Variants in DPP6 observed in about 807,000 individuals in gnomAD.
The protein encoded by DPP6 is dipeptidyl peptidase like 6, also known as A-type potassium channel modulatory protein DPP6.
DPP6 carries 69 observed loss-of-function variants against 122.6 expected under a neutral mutation model. That is an observed-to-expected ratio of 0.56 (90% confidence interval 0.46 to 0.69). DPP6 has a LOEUF of 0.69. DPP6 is among the 30% of genes least tolerant of loss of function. The probability of loss-of-function intolerance (pLI) is 0.00; values close to 1 mark genes in which losing one functional copy is unlikely to be tolerated. For missense variants in DPP6, 928 were observed against 1,116.9 expected (o/e 0.83, Z 2.41); for synonymous variants, 418 against 433.1 (o/e 0.97, Z 0.43).
chr7:154,133,473 C>G (rs1390157399), intron 1 of DPP6, among the ~76,000 whole-genome samples: 2 of 152,188 alleles, frequency 1.3e-5, no homozygotes, highest in East Asian at 3.9e-4. Flanking sequence ...GGCTCAAGAG[C>G]TGGAGAGAGG....
At chr7:154,059,023 C>CG (rs1801256354) in intron 1 of DPP6, 1 of 146,020 alleles carries the variant, frequency 6.8e-6, no homozygotes, top group African/African-American at 2.6e-5. Context: ...GGACCCCCAT[C>CG]GCAGAGGGGG....
chr7:154,304,863 T>C (rs976615677), intron 1 of DPP6, among the ~76,000 whole-genome samples: 13 of 152,316 alleles, frequency 8.5e-5, no homozygotes, highest in Admixed American at 7.2e-4. Flanking sequence ...GGGCCACCTC[T>C]GCCCCCTGTC....
In DPP6 at chr7:154,821,636, A is replaced by ATATG. The variant is rs1799771018; in HGVS notation, c.1666+14527_1666+14528insGTAT. 1.0e-5 allele frequency among the ~76,000 whole-genome samples: 1 copy of ATATG among 98,522 alleles called. No individual in the cohort carries two copies. Among genetic ancestry groups the ATATG allele is most frequent in the Non-Finnish European group, 1.9e-5 (1 of 51,390 alleles). 64.6% of individuals were successfully genotyped at this position (98,522 alleles called of 152,430 possible). ...ATATATATTTTTTTTCTGTATATAT[A>ATATG]TATATATATACACATATATATATAT... On this transcript the variant is annotated intron_variant, in intron 16 of 25. Transcript: ENST00000377770. This position sits in a 1 kb window ranked among gnomAD's most constrained non-coding sequence, Gnocchi z 4.2.
chr7:154,463,458 C>T (rs952930258), intron 2 of DPP6, among the ~76,000 whole-genome samples: 12 of 152,032 alleles, frequency 7.9e-5, no homozygotes, highest in Non-Finnish European at 1.3e-4. Context: ...CCGCCCGTCT[C>T]GGCCTCCCAA....
chr7:154,450,770 T>C (rs1586309490), intron 2 of DPP6, among the ~76,000 whole-genome samples: 1 of 152,150 alleles, frequency 6.6e-6, no homozygotes, highest in African/African-American at 2.4e-5. Flanking sequence ...TTTATGGTGG[T>C]GGTGCTGATG....
At chr7:154,436,014 G>A (rs988443597) in intron 1 of DPP6, among the ~76,000 whole-genome samples, 2 of 152,052 alleles carry the variant, frequency 1.3e-5, no homozygotes, top group Non-Finnish European at 2.9e-5. Context: ...AAGGCACAGT[G>A]GGAGAAGGAA....
At chr7:154,207,375 C>T (rs1330050297) in intron 1 of DPP6, among the ~76,000 whole-genome samples, 2 of 152,188 alleles carry the variant, frequency 1.3e-5, no homozygotes, top group Admixed American at 1.3e-4. Flanking sequence ...TATCAATTGG[C>T]ATGATCTTAA....
intron 2 of DPP6, among the ~76,000 whole-genome samples, chr7:154,467,354 G>A (rs1170448870): frequency 6.6e-6 from 1 of 152,200 alleles, no homozygotes; most frequent in Admixed American, 6.5e-5. Context: ...GCTGGTGGGA[G>A]GTGATTGGAT....
intron 7 of DPP6, among the ~76,000 whole-genome samples, chr7:154,691,738 G>A (rs1839942406): frequency 6.6e-6 from 1 of 152,068 alleles, no homozygotes; most frequent in Non-Finnish European, 1.5e-5. Flanking sequence ...AGAATCGCTT[G>A]TGCCCGGGAG....
At chr7:154,583,895 C>T (rs1832257475) in intron 5 of DPP6, among the ~76,000 whole-genome samples, 1 of 152,164 alleles carries the variant, frequency 6.6e-6, no homozygotes, top group Admixed American at 6.5e-5. Flanking sequence ...AACATCAGCA[C>T]TTTAGGAAAA....
intron 1 of DPP6, among the ~76,000 whole-genome samples, chr7:154,154,600 A>G (rs1226223797): frequency 6.6e-6 from 1 of 152,258 alleles, no homozygotes; most frequent in Non-Finnish European, 1.5e-5. Context: ...AGTTTACAGA[A>G]CAAAACCATA....
At chr7:154,133,490 A>C (rs573826103) in intron 1 of DPP6, among the ~76,000 whole-genome samples, 1 of 152,266 alleles carries the variant, frequency 6.6e-6, no homozygotes, top group South Asian at 2.1e-4. Flanking sequence ...GAGGGGATAA[A>C]TGAGGAAGTG....
intron 1 of DPP6, among the ~76,000 whole-genome samples, chr7:154,299,759 G>A (rs1025915690): frequency 3.3e-5 from 5 of 152,300 alleles, no homozygotes; most frequent in East Asian, 3.9e-4. Flanking sequence ...TAGGGCTTTC[G>A]TCTGCACATA....
At chr7:154,402,646 C>G (rs1315414282) in intron 1 of DPP6, among the ~76,000 whole-genome samples, 1 of 147,708 alleles carries the variant, frequency 6.8e-6, no homozygotes, top group African/African-American at 2.5e-5. Context: ...ATACCTAATG[C>G]TAGATGACGA....
At chr7:154,485,279 G>A (rs183836862) in intron 3 of DPP6, among the ~76,000 whole-genome samples, 84 of 152,272 alleles carry the variant, frequency 5.5e-4, no homozygotes, top group Middle Eastern at 3.4e-3. Flanking sequence ...ACACACTGAA[G>A]CACATCGTTG....
chr7:154,712,859 A>C (rs1841270145), intron 7 of DPP6, among the ~76,000 whole-genome samples: 1 of 152,192 alleles, frequency 6.6e-6, no homozygotes, highest in African/African-American at 2.4e-5. Context: ...ATGTCCTCAC[A>C]ATTCAAAACA....
At chr7:153,770,771 C>A in the DPP6 span, among the ~76,000 whole-genome samples, 12 of 152,088 alleles carry the variant, frequency 7.9e-5, no homozygotes, top group Non-Finnish European at 1.6e-4. Context: ...TGGGCTATTG[C>A]AGCAACTCAA....
At chr7:154,562,730 A>G (rs1001497386) in intron 4 of DPP6, among the ~76,000 whole-genome samples, 1 of 152,210 alleles carries the variant, frequency 6.6e-6, no homozygotes, top group Non-Finnish European at 1.5e-5. Context: ...AAATAATTAC[A>G]TGTATCAATG....
intron 1 of DPP6, among the ~76,000 whole-genome samples, chr7:154,441,713 G>A (rs556125134): frequency 4.6e-5 from 7 of 152,208 alleles, no homozygotes; most frequent in South Asian, 2.1e-4. Context: ...AAATTAAAGC[G>A]GCCTGCATTA....
Sources: allele counts gnomAD v4.1 joint callset (sites outside exome capture counted in the v4.1 genomes callset), GRCh38; gene constraint gnomAD v4.1.1; non-coding constraint Gnocchi (gnomAD v3.1); transcripts MANE v1.5; gene names NCBI Gene and HGNC (gene_info 2026-07-23, HGNC 2026-07-21).